Variants in COL4A1 observed in about 807,000 individuals in gnomAD.
COL4A1 encodes the protein collagen alpha-1(IV) chain.
A neutral mutation model predicts 216.6 loss-of-function variants in COL4A1; 40 were observed. The ratio of observed to expected loss-of-function variants is 0.18; its 90% CI spans 0.14 to 0.24. The LOEUF (loss-of-function observed/expected upper bound fraction) is 0.24, where lower values mean the gene tolerates loss of function less well. Among genes scored for constraint, COL4A1 ranks in the 10% least tolerant of loss-of-function variants. The pLI is 1.00. For synonymous variants in COL4A1, 839 were observed against 810.7 expected (o/e 1.03, Z -0.59); for missense variants, 1,628 against 2,196.8 (o/e 0.74, Z 5.18).
intron 49 of COL4A1, chr13:110,160,885 T>G (rs1480506049): frequency 1.8e-5 from 7 of 382,648 alleles, no homozygotes; most frequent in Non-Finnish European, 3.0e-5. Flanking sequence ...ACTTTTGTAT[T>G]TTTTGTGGAG....
At position 110,170,575 on chromosome 13, in the gene COL4A1, G is replaced by A. The variant is rs377765047; in HGVS notation, c.3714C>T (p.Arg1238=). The A allele has an allele frequency of 5.2e-5, 84 of 1,607,378 alleles. 1 individual carries two copies. The highest frequency in any genetic ancestry group is 3.2e-4 in the Admixed American group (19 of 59,234). Residue 1238 remains arginine, a synonymous_variant, in exon 42 of 52, where the codon CGC becomes CGT. Transcript: ENST00000375820. ...GHATEGPKGD[R]GPQGQPGLPG... ...GCAGGCCAGGCTGGCCCTGAGGTCC[G>A]CGGTCTCCTTTGGGCCCCTCCGTGG...
chr13:110,198,778 A>C, intron 20 of COL4A1, 147 bp from the exon 21 acceptor site: 1 of 976,204 alleles, frequency 1.0e-6, no homozygotes. Flanking sequence ...AAACCAAATT[A>C]AGCTGGCAGG....
intron 1 of COL4A1, among the ~76,000 whole-genome samples, chr13:110,245,965 T>A (rs898357699): frequency 6.6e-6 from 1 of 150,850 alleles, no homozygotes; most frequent in Non-Finnish European, 1.5e-5. Context: ...TTTTTTTTAA[T>A]CCTGGACCAA....
At chr13:110,262,226 C>CCG in intron 1 of COL4A1, among the ~76,000 whole-genome samples, 1 of 152,236 alleles carries the variant, frequency 6.6e-6, no homozygotes, top group East Asian at 1.9e-4. Context: ...CAGGCAAGGA[C>CCG]CGCGAGGTCT....
At chr13:110,225,890 G>A (rs931614364) in intron 2 of COL4A1, among the ~76,000 whole-genome samples, 3 of 152,200 alleles carry the variant, frequency 2.0e-5, no homozygotes, top group Non-Finnish European at 4.4e-5. Context: ...AGTCAGGGAT[G>A]ACTCCACCTG....
rs140440365 is a variant in COL4A1, at chr13:110,192,876, G to A, written c.1419C>T (p.Asp473=). 7.1e-5 allele frequency: 115 copies of A among 1,613,898 alleles called. No individual in the cohort carries two copies. Among genetic ancestry groups the A allele is most frequent in the Middle Eastern group, 3.3e-4 (2 of 6,084 alleles). The change falls in exon 23 of 52, where the codon GAC becomes GAT. Residue 473 remains aspartate, a synonymous_variant. Transcript: ENST00000375820. ...KGESCLICDI[D]GYRGPPGPQG... ...GTGGCCCGGGAGGCCCCCGATATCC[G>A]TCTATATCACAGATGAGGCAACTCT...
intron 29 of COL4A1, among the ~76,000 whole-genome samples, chr13:110,180,448 C>T (rs919657125): frequency 6.6e-6 from 1 of 152,226 alleles, no homozygotes; most frequent in Non-Finnish European, 1.5e-5. Context: ...CCCAGAGGCA[C>T]GGCCCCTGTG....
Position 110,181,396 on chromosome 13 carries a change from TAA to T in COL4A1, c.2096-9_2096-8del, listed in dbSNP as rs771037052. On this transcript the variant is annotated splice_polypyrimidine_tract_variant and splice_region_variant and intron_variant, in intron 28 of 51. Transcript: ENST00000375820. ...CCAGGTAAGCCGTCAACACCTGTTT[TAA>T]AGAGTCAAAAAAAAAAAACAAACAA... is the stretch of plus-strand genomic sequence containing the variant. The T allele has an allele frequency of 2.5e-6, 4 of 1,603,248 alleles. No homozygotes were observed. In the Admixed American group the frequency reaches 6.7e-5, roughly 27 times the overall value.
chr13:110,204,946 A>T (rs1486878516), intron 17 of COL4A1, among the ~76,000 whole-genome samples: 9 of 152,224 alleles, frequency 5.9e-5, no homozygotes, highest in Admixed American at 5.9e-4. Context: ...TACGTGAAAA[A>T]GCAAGATGTC....
chr13:110,290,936 G>A (rs1244738021), intron 1 of COL4A1, among the ~76,000 whole-genome samples: 1 of 152,232 alleles, frequency 6.6e-6, no homozygotes, highest in Non-Finnish European at 1.5e-5. Context: ...TCGCCGTGCA[G>A]TGGCAGAAGC....
chr13:110,267,085 C>T (rs1324407108), intron 1 of COL4A1, among the ~76,000 whole-genome samples: 1 of 152,154 alleles, frequency 6.6e-6, no homozygotes, highest in Non-Finnish European at 1.5e-5. Flanking sequence ...AAGGATTAAT[C>T]ACAAAGGAAA....
intron 2 of COL4A1, among the ~76,000 whole-genome samples, chr13:110,236,083 T>C (rs778443194): frequency 6.6e-6 from 1 of 152,210 alleles, no homozygotes; most frequent in Non-Finnish European, 1.5e-5. Flanking sequence ...TTAAAGGTAA[T>C]GTTAGATTCT....
intron 1 of COL4A1, among the ~76,000 whole-genome samples, chr13:110,300,668 A>C (rs1884455985): frequency 6.6e-6 from 1 of 152,262 alleles, no homozygotes; most frequent in Admixed American, 6.5e-5. Context: ...GGATGCTTCC[A>C]GCTCACGGCC....
At chr13:110,235,978 A>G (rs898813200) in intron 2 of COL4A1, among the ~76,000 whole-genome samples, 4 of 152,354 alleles carry the variant, frequency 2.6e-5, no homozygotes, top group African/African-American at 9.6e-5. Context: ...AATAAAGTAC[A>G]GTCCCTGTCT....
At position 110,299,406 on chromosome 13, in the gene COL4A1, C is replaced by T. The variant is rs953688556; in HGVS notation, c.84+7538G>A. 2.6e-5 allele frequency among the ~76,000 whole-genome samples: 4 copies of T among 152,342 alleles called. No individual in the cohort carries two copies. The Middle Eastern group carries it at 0.014, about 518-fold the overall frequency. ...AGATCCTTGTGTGGGCCCTTCCAGCCCCAAGGGGTCTTGATGTCATTACTT... is the reference window on the plus strand; with the variant it reads ...AGATCCTTGTGTGGGCCCTTCCAGCTCCAAGGGGTCTTGATGTCATTACTT... On this transcript the variant is annotated intron_variant, in intron 1 of 51. Coordinates refer to ENST00000375820, the MANE Select transcript of COL4A1 (RefSeq NM_001845.6).
At chr13:110,243,592 T>C (rs1053202794) in intron 1 of COL4A1, among the ~76,000 whole-genome samples, 1 of 152,204 alleles carries the variant, frequency 6.6e-6, no homozygotes, top group Non-Finnish European at 1.5e-5. Context: ...GTGCTGGGAT[T>C]ATAGGCATGA....
intron 45 of COL4A1, among the ~76,000 whole-genome samples, chr13:110,165,520 T>G (rs1182135682): frequency 6.6e-6 from 1 of 151,770 alleles, no homozygotes; most frequent in African/African-American, 2.4e-5. Flanking sequence ...GCCTCCCCGT[T>G]TTCAGCCCAA....
chr13:110,162,377 T>C lies in COL4A1; in HGVS notation c.4315A>G (p.Thr1439Ala). The C allele has an allele frequency of 1.2e-6, 2 of 1,614,156 alleles. No homozygotes were observed. The highest frequency in any genetic ancestry group is 2.2e-5 in the East Asian group (1 of 44,888). The change falls in exon 48 of 52, where the codon ACC (threonine) becomes GCC (alanine). Residue 1439 changes from threonine (T) to alanine (A), a missense_variant. Around this residue, in one of 8 missense-constraint regions of COL4A1, gnomAD observed 23 missense variants for 55.3 expected, o/e 0.42. Transcript: ENST00000375820. ...AGGAAGCCGTGATCAACAGATGGGG[T>C]GCCTGGGGGCCCCATGGATCCTGGC... The part of the protein sequence containing the change: ...GLPGSMGPPG[T>A]PSVDHGFLVT...
At chr13:110,170,452 A>C in intron 42 of COL4A1, 95 bp downstream of exon 42, 1 of 1,343,278 alleles carries the variant, frequency 7.4e-7, no homozygotes, top group Non-Finnish European at 1.0e-6. Context: ...TAAATAAAAA[A>C]GCCCAATTGA....
Sources: allele counts gnomAD v4.1 joint callset (sites outside exome capture counted in the v4.1 genomes callset), GRCh38; gene constraint gnomAD v4.1.1; regional missense constraint gnomAD v4.1.1; transcripts MANE v1.5; gene names NCBI Gene and HGNC (gene_info 2026-07-23, HGNC 2026-07-21).